The following MILR1 variants were observed in gnomAD, a reference collection of about 807,000 sequenced individuals.
The protein encoded by MILR1 is allergin-1.
In MILR1, 31 loss-of-function variants were observed where a neutral mutation model predicts 18.5. That is an observed-to-expected ratio of 1.68 (90% CI 1.26 to 2.26). MILR1 has a LOEUF of 2.26. MILR1 is among the 30% of genes most tolerant of loss of function. The pLI is 0.00. For missense variants in MILR1, 257 were observed against 157.4 expected (o/e 1.63, Z -3.38); for synonymous variants, 85 against 56.2 (o/e 1.51, Z -2.30).
chr17:64,483,334 T>C, the MILR1 span, among the ~76,000 whole-genome samples: 1 of 151,456 alleles, frequency 6.6e-6, no homozygotes, highest in Non-Finnish European at 1.5e-5. Context: ...GGCAACACGG[T>C]GAAAACTTCT....
At chr17:64,471,556 A>G (rs1555664606), downstream of MILR1, among the ~76,000 whole-genome samples, 1 of 152,208 alleles carries the variant, frequency 6.6e-6, no homozygotes, top group Non-Finnish European at 1.5e-5. Context: ...AGACCCTCAG[A>G]TGCTGCTGGG....
At chr17:64,480,570 C>A in the MILR1 span, among the ~76,000 whole-genome samples, 1 of 152,148 alleles carries the variant, frequency 6.6e-6, no homozygotes, top group Non-Finnish European at 1.5e-5. Flanking sequence ...TATACTTCTT[C>A]TGAAAATGAA....
At chr17:64,460,039 T>G (rs2037396045) in intron 4 of MILR1, among the ~76,000 whole-genome samples, 1 of 145,932 alleles carries the variant, frequency 6.9e-6, no homozygotes, top group Admixed American at 6.9e-5. Context: ...TTTATTTATT[T>G]ATTTATTTGA....
chr17:64,493,543 G>A, the MILR1 span, among the ~76,000 whole-genome samples: 6 of 152,024 alleles, frequency 3.9e-5, no homozygotes, highest in East Asian at 1.9e-4. Context: ...GGAGTGCAGT[G>A]GCAGGGTCTC....
At chr17:64,491,939 C>CAA in the MILR1 span, 3 of 145,062 alleles carry the variant, frequency 2.1e-5, no homozygotes, top group African/African-American at 3.1e-5. Flanking sequence ...AAAAAAAAAA[C>CAA]AAAAAAAAAA....
At position 64,468,640 on chromosome 17, in the gene MILR1, T is replaced by C. The variant is rs987931785; in HGVS notation, c.*359T>C. 235 of 1,129,290 alleles carry C rather than the reference T, an allele frequency of 2.1e-4. No individual in the cohort carries two copies. In the African/African-American group the frequency reaches 3.8e-3, roughly 18 times the overall value. 70.0% of individuals were successfully genotyped at this position (1,129,290 alleles called of 1,614,324 possible). The stretch of plus-strand genomic sequence containing the variant: ...CTCCAAGAATAAATTCATCCGAACA[T>C]GCATCCTTCTCTGAGCCTTCTGACT... On this transcript the variant is annotated 3_prime_UTR_variant, in exon 10 of 10. Coordinates refer to ENST00000619286, the MANE Select transcript of MILR1 (RefSeq NM_001085423.2).
chr17:64,479,591 AT>A, the MILR1 span, among the ~76,000 whole-genome samples: 2 of 152,364 alleles, frequency 1.3e-5, no homozygotes, highest in South Asian at 2.1e-4. Flanking sequence ...CTTAAAAAAA[AT>A]AACAAGAATG....
At position 64,462,882 on chromosome 17, in the gene MILR1, T is replaced by A. The variant is rs940597680; in HGVS notation, c.763+1950T>A. 1.4e-4 allele frequency among the ~76,000 whole-genome samples: 22 copies of A among 152,230 alleles called. No homozygotes were observed. In the East Asian group the frequency reaches 3.7e-3, roughly 25 times the overall value. The stretch of plus-strand genomic sequence containing the variant: ...CTCAGGTGATCTGCTCGCCTCAGCC[T>A]CCCAAAGTGCTGGGATTACAGATGT... On this transcript the variant is annotated intron_variant, in intron 5 of 9. Transcript: ENST00000619286.
chr17:64,488,227 T>C, the MILR1 span, among the ~76,000 whole-genome samples: 1 of 149,340 alleles, frequency 6.7e-6, no homozygotes, highest in African/African-American at 2.5e-5. Flanking sequence ...AAGAAAGAAA[T>C]GGCCTCAGAA....
chr17:64,481,850 GGGTAACAGAGCA>G, the MILR1 span, among the ~76,000 whole-genome samples: 3 of 151,450 alleles, frequency 2.0e-5, no homozygotes, highest in Admixed American at 6.6e-5. Context: ...ACTCCAGCCT[GGGTAACAGAGCA>G]AGACTCCGTC....
chr17:64,478,582 T>C, the MILR1 span, among the ~76,000 whole-genome samples: 1 of 152,166 alleles, frequency 6.6e-6, no homozygotes, highest in Non-Finnish European at 1.5e-5. Flanking sequence ...GTCTATTTTG[T>C]CCTACTAGAA....
At chr17:64,480,382 T>C in the MILR1 span, 3 of 1,526,594 alleles carry the variant, frequency 2.0e-6, no homozygotes, top group South Asian at 3.4e-5. Flanking sequence ...AAATAGCCCT[T>C]GACAAACCTA....
chr17:64,473,735 A>G, the MILR1 span, among the ~76,000 whole-genome samples: 1 of 152,234 alleles, frequency 6.6e-6, no homozygotes, highest in Non-Finnish European at 1.5e-5. Flanking sequence ...TCATAAAAAA[A>G]TTATTAAAAG....
the MILR1 span, chr17:64,491,426 C>A: frequency 1.3e-6 from 1 of 752,008 alleles, no homozygotes; most frequent in Non-Finnish European, 2.1e-6. Flanking sequence ...AAGACTTCAT[C>A]TCTACAAATA....
At chr17:64,496,930 G>T in the MILR1 span, 10 of 1,611,298 alleles carry the variant, frequency 6.2e-6, no homozygotes, top group Non-Finnish European at 8.5e-6. Context: ...GGCACCTGCA[G>T]ACCTTATGGC....
the MILR1 span, among the ~76,000 whole-genome samples, chr17:64,478,356 C>T: frequency 6.6e-6 from 1 of 151,988 alleles, no homozygotes; most frequent in African/African-American, 2.4e-5. Flanking sequence ...TTACAATAAA[C>T]AATATTATAA....
chr17:64,459,992 TTTTATTTATTTATTTATTTATTTA>T (rs202053813), intron 4 of MILR1, among the ~76,000 whole-genome samples: 42 of 125,372 alleles, frequency 3.4e-4, no homozygotes, highest in Middle Eastern at 3.9e-3. Flanking sequence ...TTTTATTTTA[TTTTATTTATTTATTTATTTATTTA>T]TTTATTTATT....
the MILR1 span, among the ~76,000 whole-genome samples, chr17:64,492,362 C>G: frequency 6.6e-6 from 1 of 152,106 alleles, no homozygotes; most frequent in African/African-American, 2.4e-5. Context: ...GTAGCAAAAG[C>G]TGAAGCTGTG....
chr17:64,495,579 TTTTAATTTACCAATTCATA>T, the MILR1 span, among the ~76,000 whole-genome samples: 2 of 152,136 alleles, frequency 1.3e-5, no homozygotes, highest in African/African-American at 2.4e-5. Context: ...CCATATTCAA[TTTTAATTTACCAATTCATA>T]TTTAATTTAC....
Sources: gnomAD v4.1 joint callset for allele counts (sites outside exome capture counted in the v4.1 genomes callset) on GRCh38, gnomAD v4.1.1 for gene constraint, MANE v1.5 for transcripts, NCBI Gene and HGNC (gene_info 2026-07-23, HGNC 2026-07-21) for gene names.